Variants in TSPAN12 observed in about 807,000 individuals in gnomAD.
TSPAN12 encodes tetraspanin-12.
Under a neutral mutation model 39.2 loss-of-function variants are expected in TSPAN12, and 19 were observed. That is an observed-to-expected ratio of 0.49 (90% CI 0.34 to 0.71). The LOEUF (loss-of-function observed/expected upper bound fraction) is 0.71. TSPAN12 is among the 30% of genes least tolerant of loss of function. TSPAN12 has a pLI of 0.01. For synonymous variants in TSPAN12, 119 were observed against 124.8 expected, an observed-to-expected ratio of 0.95 and a Z score of 0.31; for missense variants, 314 against 359.9, an observed-to-expected ratio of 0.87 and a Z score of 1.03.
At chr7:120,803,696 C>T (rs1200430262) in intron 7 of TSPAN12, among the ~76,000 whole-genome samples, 1 of 152,172 alleles carries the variant, frequency 6.6e-6, no homozygotes, top group African/African-American at 2.4e-5. Flanking sequence ...ACAATGCCAG[C>T]TTGCTATTAA....
intron 7 of TSPAN12, among the ~76,000 whole-genome samples, chr7:120,803,164 T>C (rs978571051): frequency 2.6e-5 from 4 of 152,190 alleles, no homozygotes; most frequent in African/African-American, 9.7e-5. Flanking sequence ...CAAGATAACC[T>C]GTCTCACAAT....
chr7:120,794,204 TAAGTAA>T (rs1239674841), intron 7 of TSPAN12, among the ~76,000 whole-genome samples: 1 of 152,236 alleles, frequency 6.6e-6, no homozygotes, highest in African/African-American at 2.4e-5. Flanking sequence ...TGTAATTATA[TAAGTAA>T]AAGCACAAAT....
In TSPAN12 at chr7:120,813,327, T is replaced by C. The variant is rs140611007; in HGVS notation, c.360+2402A>G. Reference sequence around the variant, plus strand: ...CATCCTGGTGATGTAATGGGAAAGATTTATGAAAGCAAAACAGTGATGTGT... The same window carrying C: ...CATCCTGGTGATGTAATGGGAAAGACTTATGAAAGCAAAACAGTGATGTGT... On this transcript the variant is annotated intron_variant, in intron 5 of 7. Transcript: ENST00000222747. Among the ~76,000 whole-genome samples, 208 of 152,314 alleles carry C rather than the reference T, an allele frequency of 1.4e-3. 2 individuals carry two copies. The highest frequency in any genetic ancestry group is 4.8e-3 in the African/African-American group (199 of 41,570).
At chr7:120,794,114 T>C (rs905906212) in intron 7 of TSPAN12, among the ~76,000 whole-genome samples, 2 of 152,244 alleles carry the variant, frequency 1.3e-5, no homozygotes, top group South Asian at 2.1e-4. Context: ...ATTCTGTTTA[T>C]ATTTTATTAT....
rs142048767 is a variant in TSPAN12 at position 120,846,955 on chromosome 7, G to A, written c.67-6846C>T. ...TGGTCAGAAAGAACAAAGGCCCCAC[G>A]AGGGAAGGCAACATGACATGGTAAG... On this transcript the variant is annotated intron_variant, in intron 2 of 7. Transcript: ENST00000222747. Among the ~76,000 whole-genome samples the A allele has an allele frequency of 2.0e-5, 3 of 152,244 alleles. No homozygotes were observed. In the East Asian group the frequency reaches 5.8e-4, roughly 29 times the overall value.
intron 4 of TSPAN12, among the ~76,000 whole-genome samples, chr7:120,834,963 C>T (rs1442157327): frequency 2.0e-5 from 3 of 152,180 alleles, no homozygotes; most frequent in Non-Finnish European, 4.4e-5. Context: ...AGTCAAATTC[C>T]TCTGTTAAAA....
chr7:120,840,632 A>G (rs1177892436), intron 2 of TSPAN12, among the ~76,000 whole-genome samples: 1 of 152,256 alleles, frequency 6.6e-6, no homozygotes, highest in African/African-American at 2.4e-5. Context: ...ACTCATACAC[A>G]TATATGTGCT....
intron 2 of TSPAN12, among the ~76,000 whole-genome samples, chr7:120,847,603 T>C (rs1794696823): frequency 6.6e-6 from 1 of 152,188 alleles, no homozygotes; most frequent in South Asian, 2.1e-4. Flanking sequence ...ACCTCTCCCT[T>C]TTCCTCAGCT....
intron 1 of TSPAN12, chr7:120,857,116 C>G (rs1438359095): frequency 7.7e-6 from 3 of 390,686 alleles, no homozygotes; most frequent in Admixed American, 3.7e-5. Context: ...GGACACGCGG[C>G]GGAGCCCTGT....
chr7:120,815,620 AGTCTT>A, intron 5 of TSPAN12, 104 bp downstream of exon 5: 1 of 988,370 alleles, frequency 1.0e-6, no homozygotes, highest in Non-Finnish European at 1.6e-6. Flanking sequence ...CAAATTACCC[AGTCTT>A]GGGCAGTTCT....
intron 4 of TSPAN12, among the ~76,000 whole-genome samples, chr7:120,824,554 G>A (rs371616385): frequency 6.6e-6 from 1 of 152,010 alleles, no homozygotes; most frequent in East Asian, 1.9e-4. Flanking sequence ...TTCTGTTATT[G>A]TCAATTTCAT....
At chr7:120,824,276 CAAA>C (rs56316348) in intron 4 of TSPAN12, among the ~76,000 whole-genome samples, 1 of 124,606 alleles carries the variant, frequency 8.0e-6, no homozygotes. Flanking sequence ...ACTAAAAATG[CAAA>C]AAAAAAAAAA....
chr7:120,843,119 C>A (rs746488713), intron 2 of TSPAN12, among the ~76,000 whole-genome samples: 3 of 151,952 alleles, frequency 2.0e-5, no homozygotes, highest in African/African-American at 7.3e-5. Flanking sequence ...AGGTTAAGAA[C>A]CCTGGGACCA....
rs1793456951 is a variant in TSPAN12 at position 120,788,690 on chromosome 7, G to C, written c.820C>G (p.Pro274Ala). 2.5e-6 allele frequency: 4 copies of C among 1,614,134 alleles called. No individual in the cohort carries two copies. In the South Asian group the frequency reaches 4.4e-5, roughly 18 times the overall value. The change falls in exon 8 of 8, where the codon CCC becomes GCC. Residue 274 changes from proline (P) to alanine (A), a missense_variant. Transcript: ENST00000222747. ...KNDNSQHLSC[P>A]SVELLKPSLS... ...CTTGGTTTCAACAGTTCTACTGAGG[G>C]ACATGACAGGTGCTGAGAGTTGTCA...
chr7:120,856,812 C>G lies in TSPAN12; in HGVS notation c.-49G>C, dbSNP rs1291771995. The G allele has an allele frequency of 2.5e-6, 4 of 1,606,000 alleles. No individual in the cohort carries two copies. The East Asian group carries it at 8.9e-5, about 36-fold the overall frequency. Reference sequence around the variant, plus strand: ...CCCATCCTTTCACCACATCCTACTCCCAAGGGCAAAACGGCAGCGATCTGC... The same window carrying G: ...CCCATCCTTTCACCACATCCTACTCGCAAGGGCAAAACGGCAGCGATCTGC... On this transcript the variant is annotated 5_prime_UTR_variant, in exon 2 of 8. Transcript: ENST00000222747.
At chr7:120,819,118 C>T (rs1214895821) in intron 4 of TSPAN12, among the ~76,000 whole-genome samples, 1 of 151,988 alleles carries the variant, frequency 6.6e-6, no homozygotes, top group Non-Finnish European at 1.5e-5. Context: ...GATTCTTAAC[C>T]TAAATTTGTT....
chr7:120,850,781 C>T (rs1794756627), intron 2 of TSPAN12, among the ~76,000 whole-genome samples: 1 of 151,940 alleles, frequency 6.6e-6, no homozygotes. Context: ...TCTCCCCCTC[C>T]CAGGTTCAAG....
chr7:120,814,417 G>T (rs1237345990), intron 5 of TSPAN12, among the ~76,000 whole-genome samples: 1 of 152,094 alleles, frequency 6.6e-6, no homozygotes, highest in Non-Finnish European at 1.5e-5. Flanking sequence ...GCCCAATAAC[G>T]CATATTTTTA....
intron 4 of TSPAN12, among the ~76,000 whole-genome samples, chr7:120,816,747 C>T (rs906200439): frequency 1.3e-5 from 2 of 152,038 alleles, no homozygotes; most frequent in African/African-American, 4.8e-5. Flanking sequence ...AGGGGAATGA[C>T]ATTATAAACT....
Sources: gnomAD v4.1 joint callset for allele counts (sites outside exome capture counted in the v4.1 genomes callset) on GRCh38, gnomAD v4.1.1 for gene constraint, MANE v1.5 for transcripts, NCBI Gene and HGNC (gene_info 2026-07-23, HGNC 2026-07-21) for gene names.